Variants in SYNDIG1 observed in about 807,000 individuals in gnomAD.
The protein encoded by SYNDIG1 is synapse differentiation-inducing gene protein 1.
SYNDIG1 carries 9 observed loss-of-function variants against 19.4 expected under a neutral mutation model. That is an observed-to-expected ratio of 0.46 (90% CI 0.28 to 0.81). The LOEUF (loss-of-function observed/expected upper bound fraction) is 0.81. Ranked by LOEUF, SYNDIG1 falls within the 30% of genes least tolerant of loss-of-function variation. The pLI, the probability that SYNDIG1 is intolerant of heterozygous loss-of-function variation, is 0.12. For synonymous variants in SYNDIG1, 141 were observed against 145.9 expected (o/e 0.97, Z 0.24); for missense variants, 311 against 343.3 (o/e 0.91, Z 0.74).
At chr20:24,621,307 A>T (rs13038938) in intron 3 of SYNDIG1, among the ~76,000 whole-genome samples, 1 of 152,100 alleles carries the variant, frequency 6.6e-6, no homozygotes, top group Non-Finnish European at 1.5e-5. Flanking sequence ...TTGCTACTTA[A>T]GTAAATAACT....
intron 2 of SYNDIG1, among the ~76,000 whole-genome samples, chr20:24,581,415 G>T (rs2058320847): frequency 6.6e-6 from 1 of 152,242 alleles, no homozygotes; most frequent in South Asian, 2.1e-4. Flanking sequence ...TGCTCCCTGA[G>T]GTCAAGGGCT....
chr20:24,555,137 G>A (rs2146827702), intron 2 of SYNDIG1, among the ~76,000 whole-genome samples: 1 of 152,238 alleles, frequency 6.6e-6, no homozygotes, highest in African/African-American at 2.4e-5. Flanking sequence ...ATTTCTGTGG[G>A]ATTGGTGGTG....
chr20:24,481,169 T>C (rs1347583729), intron 1 of SYNDIG1, among the ~76,000 whole-genome samples: 1 of 152,206 alleles, frequency 6.6e-6, no homozygotes, highest in East Asian at 1.9e-4. Context: ...AAATGTAAGA[T>C]TCTAGTTACT....
intron 1 of SYNDIG1, among the ~76,000 whole-genome samples, chr20:24,495,083 T>A (rs2056262737): frequency 6.6e-6 from 1 of 152,242 alleles, no homozygotes; most frequent in African/African-American, 2.4e-5. Context: ...TTTATTATGC[T>A]TAACACTGTA....
intron 3 of SYNDIG1, among the ~76,000 whole-genome samples, chr20:24,641,854 G>A (rs935824413): frequency 2.6e-5 from 4 of 152,140 alleles, no homozygotes; most frequent in African/African-American, 7.2e-5. Context: ...ATGGTTTTAG[G>A]TTGACAAAAA....
At chr20:24,593,356 T>C (rs1002831331) in intron 3 of SYNDIG1, among the ~76,000 whole-genome samples, 10 of 152,224 alleles carry the variant, frequency 6.6e-5, no homozygotes, top group African/African-American at 2.4e-4. Context: ...TCCATCCATG[T>C]TGTTGCAAAG....
At chr20:24,571,675 G>GA (rs1274807434) in intron 2 of SYNDIG1, among the ~76,000 whole-genome samples, 1 of 152,076 alleles carries the variant, frequency 6.6e-6, no homozygotes, top group Non-Finnish European at 1.5e-5. Flanking sequence ...GAACAGTGAA[G>GA]AAAAAAAGGA....
In SYNDIG1 at chr20:24,535,096, C is replaced by T. The variant is rs151283610; in HGVS notation, c.-78-7924C>T. 1.8e-4 allele frequency among the ~76,000 whole-genome samples: 28 copies of T among 152,320 alleles called. No homozygotes were observed. In the East Asian group the frequency reaches 3.9e-3, roughly 21 times the overall value. On this transcript the variant is annotated intron_variant, in intron 1 of 3. Transcript: ENST00000376862. Reference sequence around the variant, plus strand: ...TCCAACATGCAGAGCCATAAGAAAACAGTGACTCTTTACCTGTTATGATCT... The same window carrying T: ...TCCAACATGCAGAGCCATAAGAAAATAGTGACTCTTTACCTGTTATGATCT...
At chr20:24,483,200 T>C (rs978442944) in intron 1 of SYNDIG1, among the ~76,000 whole-genome samples, 2 of 152,104 alleles carry the variant, frequency 1.3e-5, no homozygotes, top group African/African-American at 4.8e-5. Flanking sequence ...GTGGTTGCAG[T>C]GTGACGCAGC....
At chr20:24,479,303 T>C (rs2055728733) in intron 1 of SYNDIG1, among the ~76,000 whole-genome samples, 1 of 152,108 alleles carries the variant, frequency 6.6e-6, no homozygotes, top group Admixed American at 6.5e-5. Context: ...TCACCCTCCT[T>C]GGATTCCGCC....
Position 24,469,671 on chromosome 20 carries a change from C to T in SYNDIG1, c.-161C>T. On this transcript the variant is annotated 5_prime_UTR_variant, in exon 1 of 4. Transcript: ENST00000376862. ...GGCAGCGGAGGAGCAGAGGCGGGCG[C>T]CGCACCGCCCCGCACGCTCGCTCGC... 1 of 152,016 alleles carries T rather than the reference C, an allele frequency of 6.6e-6. No individual in the cohort carries two copies. Among genetic ancestry groups the T allele is most frequent in the Non-Finnish European group, 1.5e-5 (1 of 68,206 alleles). The allele number at this position is 152,016 out of a possible 1,614,324, so 9.4% of individuals were successfully genotyped here.
At chr20:24,517,412 G>C (rs1280919371) in intron 1 of SYNDIG1, among the ~76,000 whole-genome samples, 1 of 150,330 alleles carries the variant, frequency 6.7e-6, no homozygotes, top group Non-Finnish European at 1.5e-5. Context: ...TCAGGAGATC[G>C]AGACCATCCT....
intron 1 of SYNDIG1, among the ~76,000 whole-genome samples, chr20:24,505,149 G>A (rs1003206318): frequency 2.6e-5 from 4 of 152,152 alleles, no homozygotes; most frequent in East Asian, 3.9e-4. Flanking sequence ...AGTGGTCATC[G>A]GCACAGGGTA....
At chr20:24,518,504 CTG>C (rs1226526915) in intron 1 of SYNDIG1, among the ~76,000 whole-genome samples, 1 of 152,236 alleles carries the variant, frequency 6.6e-6, no homozygotes, top group Non-Finnish European at 1.5e-5. Flanking sequence ...GTTGGCAACA[CTG>C]TCACCAGCAG....
chr20:24,661,462 GGAA>G (rs2059591982), intron 3 of SYNDIG1, among the ~76,000 whole-genome samples: 4 of 143,228 alleles, frequency 2.8e-5, no homozygotes, highest in Admixed American at 7.0e-5. Flanking sequence ...GGAGGAAGTA[GGAA>G]GGAGGGAGGG....
chr20:24,565,747 A>G (rs2058032790), intron 2 of SYNDIG1, among the ~76,000 whole-genome samples: 1 of 151,746 alleles, frequency 6.6e-6, no homozygotes, highest in African/African-American at 2.4e-5. Flanking sequence ...CCCAACTCCC[A>G]CCTTCTCCTT....
Position 24,665,434 on chromosome 20 carries a change from T to C in SYNDIG1, c.707T>C (p.Ile236Thr), listed in dbSNP as rs749966226. ...TTCCTGGCAGTGCTGTCCATCACCA[T>C]TGGGACTGGCGTCTATGTGGGCGTG... ...ALFLAVLSIT[I>T]GTGVYVGVAV... Residue 236 changes from isoleucine (I) to threonine (T), a missense_variant, in exon 4 of 4, where the codon ATT becomes ACT. Coordinates refer to ENST00000376862, the MANE Select transcript of SYNDIG1 (RefSeq NM_024893.3). 6.8e-6 allele frequency: 11 copies of C among 1,613,434 alleles called. No homozygotes were observed. The highest frequency in any genetic ancestry group is 8.5e-6 in the Non-Finnish European group (10 of 1,179,796).
intron 3 of SYNDIG1, among the ~76,000 whole-genome samples, chr20:24,659,968 A>G (rs992549914): frequency 6.6e-6 from 1 of 152,152 alleles, no homozygotes; most frequent in South Asian, 2.1e-4. Flanking sequence ...GTTCCTTCCC[A>G]GAAGTATCCA....
chr20:24,641,529 A>C (rs2059377231), intron 3 of SYNDIG1, among the ~76,000 whole-genome samples: 1 of 152,214 alleles, frequency 6.6e-6, no homozygotes, highest in Non-Finnish European at 1.5e-5. Flanking sequence ...TGTTTGACAT[A>C]AAGCTGTAAG....
Sources: allele counts gnomAD v4.1 joint callset (sites outside exome capture counted in the v4.1 genomes callset), GRCh38; gene constraint gnomAD v4.1.1; transcripts MANE v1.5; gene names NCBI Gene and HGNC (gene_info 2026-07-23, HGNC 2026-07-21).